The following FKBP3 variants were observed in gnomAD, a reference collection of about 807,000 sequenced individuals.
FKBP3 encodes peptidyl-prolyl cis-trans isomerase FKBP3.
Under a neutral mutation model 30.6 loss-of-function variants are expected in FKBP3, and 21 were observed. The ratio of observed to expected loss-of-function variants is 0.69; its 90% CI spans 0.49 to 0.99. The LOEUF (loss-of-function observed/expected upper bound fraction) is 0.99, where lower values mean the gene tolerates loss of function less well. Among genes scored for constraint, FKBP3 ranks in the 50% least tolerant of loss-of-function variants. The pLI is 0.00. For synonymous variants in FKBP3, 82 were observed against 91.3 expected (o/e 0.90, Z 0.58); for missense variants, 283 against 261.6 (o/e 1.08, Z -0.56).
chr14:45,134,191 G>C (rs1476452677), intron 1 of FKBP3, among the ~76,000 whole-genome samples, 158 bp downstream of exon 1: 1 of 152,204 alleles, frequency 6.6e-6, no homozygotes, highest in Non-Finnish European at 1.5e-5. Context: ...GCGGGAGCGA[G>C]GCACCAAAGC....
intron 3 of FKBP3, among the ~76,000 whole-genome samples, chr14:45,126,096 G>T (rs543709931): frequency 1.3e-5 from 2 of 151,874 alleles, no homozygotes; most frequent in East Asian, 4.0e-4. Flanking sequence ...TCGCCATGTT[G>T]CCCAGGCTGG....
At chr14:45,131,675 C>T (rs1885218887) in intron 1 of FKBP3, among the ~76,000 whole-genome samples, 1 of 144,474 alleles carries the variant, frequency 6.9e-6, no homozygotes, top group Non-Finnish European at 1.5e-5. Context: ...TGACACTAGA[C>T]AGGGGACTAA....
chr14:45,119,432 G>C (rs1884931861), intron 5 of FKBP3, among the ~76,000 whole-genome samples: 1 of 151,930 alleles, frequency 6.6e-6, no homozygotes, highest in African/African-American at 2.4e-5. Flanking sequence ...AATTAGGTGT[G>C]GTGGCGCATG....
chr14:45,130,820 G>A lies in FKBP3; in HGVS notation c.109-20C>T. 6.9e-7 allele frequency: 1 copy of A among 1,449,600 alleles called. No individual in the cohort carries two copies. The highest frequency in any genetic ancestry group is 9.6e-7 in the Non-Finnish European group (1 of 1,045,950). 89.8% of individuals were successfully genotyped at this position (1,449,600 alleles called of 1,614,324 possible). A position where few individuals can be genotyped will look rare whatever the true frequency, so the allele number is the denominator to read the frequency against. ...AAGAAACTATAAGGAAAAAAGCTGG[G>A]TAATCAAGATAACTTCTCCCGAGTA... On this transcript the variant is annotated intron_variant, in intron 1 of 6. Transcript: ENST00000396062.
intron 1 of FKBP3, among the ~76,000 whole-genome samples, chr14:45,132,162 G>T (rs953232110): frequency 1.3e-5 from 2 of 152,068 alleles, no homozygotes; most frequent in Non-Finnish European, 2.9e-5. Context: ...TATCACTATT[G>T]TATTTTTTTC....
In FKBP3 at chr14:45,121,607, T is replaced by C; in HGVS notation, c.332A>G (p.Tyr111Cys). 3 of 1,613,502 alleles carry C rather than the reference T, an allele frequency of 1.9e-6. No homozygotes were observed. The highest frequency in any genetic ancestry group is 2.5e-6 in the Non-Finnish European group (3 of 1,179,750). Residue 111 changes from tyrosine to cysteine, a missense_variant, in exon 4 of 7, where the codon TAT becomes TGT. Coordinates refer to ENST00000396062, the MANE Select transcript of FKBP3 (RefSeq NM_002013.4). ...EETLDEGPPK[Y>C]TKSVLKKGDK... ...TCCCTTTTTCAGAACAGATTTAGTA[T>C]ATTTTGGTGGACCCTAAAAACAAAA...
intron 3 of FKBP3, among the ~76,000 whole-genome samples, chr14:45,127,843 T>C (rs1404865294): frequency 6.6e-6 from 1 of 152,174 alleles, no homozygotes; most frequent in Non-Finnish European, 1.5e-5. Flanking sequence ...ATTCTGGGTA[T>C]GAGGCCTTGC....
intron 1 of FKBP3, among the ~76,000 whole-genome samples, 165 bp downstream of exon 1, chr14:45,134,184 G>C (rs1245971387): frequency 6.6e-6 from 1 of 152,242 alleles, no homozygotes; most frequent in African/African-American, 2.4e-5. Flanking sequence ...CCGAGAGGCG[G>C]GAGCGAGGCA....
Position 45,120,918 on chromosome 14 carries a change from A to T in FKBP3, c.491T>A (p.Phe164Tyr), listed in dbSNP as rs1884971837. 1 of 1,613,412 alleles carries T rather than the reference A, an allele frequency of 6.2e-7. No homozygotes were observed. Among genetic ancestry groups the T allele is most frequent in the Non-Finnish European group, 8.5e-7 (1 of 1,179,796 alleles). Residue 164 changes from phenylalanine to tyrosine, a missense_variant, in exon 5 of 7, where the codon TTT becomes TAT. By Grantham distance (22) the Phe-to-Tyr change is conservative. Coordinates refer to ENST00000396062, the MANE Select transcript of FKBP3 (RefSeq NM_002013.4). ...GATAACTTTGCCTACTCCGACCTTA[A>T]AACTTAAAGGCTTGGCATTTTTCTT... ...KKKKNAKPLS[F>Y]KVGVGKVIRG...
chr14:45,122,397 A>G (rs1211829689), intron 3 of FKBP3, among the ~76,000 whole-genome samples: 2 of 152,196 alleles, frequency 1.3e-5, no homozygotes, highest in African/African-American at 4.8e-5. Context: ...TGGTTTCTAA[A>G]TTTCATAAAA....
Position 45,116,203 on chromosome 14 carries a change from C to G in FKBP3, c.670G>C (p.Asp224His). ...AGAGCTGAAGCACTGCTATTTCAAT[C>G]AATATCCACTAATTCCACTTCAAAA... ...LTFEVELVDI[D>H] The change falls in exon 7 of 7, where the codon GAT (aspartate) becomes CAT (histidine). Residue 224 changes from aspartate (D) to histidine (H), a missense_variant. By Grantham distance (81) the Asp-to-His change is moderately conservative. Transcript: ENST00000396062. 6.2e-7 allele frequency: 1 copy of G among 1,609,896 alleles called. No homozygotes were observed. Among genetic ancestry groups the G allele is most frequent in the East Asian group, 2.2e-5 (1 of 44,804 alleles).
At chr14:45,124,081 G>C (rs1158476084) in intron 3 of FKBP3, among the ~76,000 whole-genome samples, 1 of 152,168 alleles carries the variant, frequency 6.6e-6, no homozygotes, top group Non-Finnish European at 1.5e-5. Flanking sequence ...AACTGCTAGA[G>C]TGATATTAAC....
chr14:45,134,293 G>A (rs1885318409), intron 1 of FKBP3, 56 bp downstream of exon 1: 1 of 1,351,760 alleles, frequency 7.4e-7, no homozygotes, highest in South Asian at 1.2e-5. Flanking sequence ...GGCATCTCCA[G>A]GGGGGTGAGG....
In FKBP3 at chr14:45,130,808, G is replaced by T. The variant is rs529955039; in HGVS notation, c.109-8C>A. On this transcript the variant is annotated splice_polypyrimidine_tract_variant and splice_region_variant and intron_variant, in intron 1 of 6. Coordinates refer to ENST00000396062, the MANE Select transcript of FKBP3 (RefSeq NM_002013.4). ...TTTATGTTCTGCAAGAAACTATAAG[G>T]AAAAAAGCTGGGTAATCAAGATAAC... The T allele has an allele frequency of 3.3e-6, 5 of 1,533,808 alleles. No homozygotes were observed. In the Admixed American group the frequency reaches 9.3e-5, roughly 29 times the overall value.
intron 3 of FKBP3, among the ~76,000 whole-genome samples, chr14:45,126,770 G>T (rs961274592): frequency 6.6e-6 from 1 of 152,080 alleles, no homozygotes; most frequent in African/African-American, 2.4e-5. Flanking sequence ...GATCACTGGA[G>T]CCCACGAGTT....
At position 45,116,147 on chromosome 14, in the gene FKBP3, G is replaced by A. The variant is rs1884828823; in HGVS notation, c.*51C>T. 1 of 1,344,852 alleles carries A rather than the reference G, an allele frequency of 7.4e-7. No individual in the cohort carries two copies. Among genetic ancestry groups the A allele is most frequent in the East Asian group, 2.3e-5 (1 of 43,246 alleles). 83.3% of individuals were successfully genotyped at this position (1,344,852 alleles called of 1,614,324 possible). ...AACTAGTTGTGTAAATTTCTTCAAG[G>A]CCAAGTTTTATCATTGTTGCTAATA... is the stretch of plus-strand genomic sequence containing the variant. On this transcript the variant is annotated 3_prime_UTR_variant, in exon 7 of 7. Transcript: ENST00000396062.
In FKBP3 at chr14:45,116,143, C is replaced by G. The variant is rs984706501; in HGVS notation, c.*55G>C. The G allele has an allele frequency of 5.7e-5, 75 of 1,324,130 alleles. No homozygotes were observed. The Admixed American group carries it at 6.4e-4, about 11-fold the overall frequency. 82.0% of individuals were successfully genotyped at this position (1,324,130 alleles called of 1,614,324 possible). ...TTCTAACTAGTTGTGTAAATTTCTT[C>G]AAGGCCAAGTTTTATCATTGTTGCT... is the stretch of plus-strand genomic sequence containing the variant. On this transcript the variant is annotated 3_prime_UTR_variant, in exon 7 of 7. Transcript: ENST00000396062.
chr14:45,126,110 T>G (rs952830101), intron 3 of FKBP3, among the ~76,000 whole-genome samples: 1 of 151,730 alleles, frequency 6.6e-6, no homozygotes, highest in African/African-American at 2.4e-5. Flanking sequence ...AGGCTGGTCT[T>G]GAACTCCTGG....
At chr14:45,118,486 C>T (rs566233700) in intron 5 of FKBP3, among the ~76,000 whole-genome samples, 8 of 151,992 alleles carry the variant, frequency 5.3e-5, no homozygotes, top group African/African-American at 1.9e-4. Context: ...AAAAAATTAG[C>T]TGGGTGCGGT....
Sources: allele counts gnomAD v4.1 joint callset (sites outside exome capture counted in the v4.1 genomes callset), GRCh38; gene constraint gnomAD v4.1.1; transcripts MANE v1.5; gene names NCBI Gene and HGNC (gene_info 2026-07-23, HGNC 2026-07-21).